Variants in CADPS observed in about 807,000 individuals in gnomAD.
The protein encoded by CADPS is calcium-dependent secretion activator 1.
A neutral mutation model predicts 167.3 loss-of-function variants in CADPS; 57 were observed. That is an observed-to-expected ratio of 0.34 (90% CI 0.28 to 0.42). The LOEUF is 0.42. Among genes scored for constraint, CADPS ranks in the 20% least tolerant of loss-of-function variants. CADPS has a pLI of 1.00. For missense variants in CADPS, 1,414 were observed against 1,738.1 expected, an observed-to-expected ratio of 0.81 and a Z score of 3.32; for synonymous variants, 676 against 635.3, an observed-to-expected ratio of 1.06 and a Z score of -0.96.
intron 7 of CADPS, among the ~76,000 whole-genome samples, chr3:62,591,225 G>T (rs946994014): frequency 6.6e-6 from 1 of 152,120 alleles, no homozygotes; most frequent in Non-Finnish European, 1.5e-5. Context: ...AATAGTTTAG[G>T]TTTCTGTCTC....
Position 62,536,427 on chromosome 3 carries a change from A to T in CADPS, c.2103+18T>A. The T allele has an allele frequency of 6.2e-7, 1 of 1,607,640 alleles. No homozygotes were observed. Among genetic ancestry groups the T allele is most frequent in the Non-Finnish European group, 8.5e-7 (1 of 1,175,548 alleles). On this transcript the variant is annotated intron_variant, in intron 12 of 29. Transcript: ENST00000383710. ...AAATGTTATGTTTAAATTGCTGTAGACCAAAGAATATACTTGCCAGGCAAG... is the reference window on the plus strand; with the variant it reads ...AAATGTTATGTTTAAATTGCTGTAGTCCAAAGAATATACTTGCCAGGCAAG...
chr3:62,714,936 A>C (rs1360600415), intron 3 of CADPS, among the ~76,000 whole-genome samples: 3 of 152,222 alleles, frequency 2.0e-5, no homozygotes, highest in Non-Finnish European at 4.4e-5. Context: ...GTTTCAAAAA[A>C]TTTCCAGATA....
chr3:62,692,772 A>G (rs1242856580), intron 3 of CADPS, among the ~76,000 whole-genome samples: 1 of 152,084 alleles, frequency 6.6e-6, no homozygotes, highest in Non-Finnish European at 1.5e-5. Context: ...TAAAGCAATG[A>G]AATAGAAACT....
intron 17 of CADPS, chr3:62,499,929 C>A (rs1252477925): frequency 5.3e-5 from 8 of 152,128 alleles, no homozygotes; most frequent in African/African-American, 1.9e-4. Flanking sequence ...TAAACTGAAA[C>A]AATGTACTTA....
At chr3:62,450,810 C>G (rs187562612) in intron 26 of CADPS, among the ~76,000 whole-genome samples, 1 of 152,220 alleles carries the variant, frequency 6.6e-6, no homozygotes, top group Admixed American at 6.5e-5. Flanking sequence ...GTGCTTGCTC[C>G]ATGATTTCTG....
intron 6 of CADPS, 44 bp downstream of exon 6, chr3:62,645,678 G>A: frequency 6.2e-7 from 1 of 1,605,604 alleles, no homozygotes; most frequent in East Asian, 2.2e-5. Context: ...GGAACTAATG[G>A]CAGCAACCCT....
chr3:62,679,304 T>C lies in CADPS; in HGVS notation c.889-16910A>G, dbSNP rs1365169812. Among the ~76,000 whole-genome samples, 4 of 152,142 alleles carry C rather than the reference T, an allele frequency of 2.6e-5. No homozygotes were observed. In the East Asian group the frequency reaches 7.8e-4, roughly 29 times the overall value. ...GGTTTCTTACAGGTTAAACGCACAC[T>C]GAGGAAGGTATTATAGGTGAACTAG... is the stretch of plus-strand genomic sequence containing the variant. On this transcript the variant is annotated intron_variant, in intron 3 of 29. Coordinates refer to ENST00000383710, the MANE Select transcript of CADPS (RefSeq NM_003716.4).
At chr3:62,803,289 T>C (rs2093887065) in intron 1 of CADPS, among the ~76,000 whole-genome samples, 1 of 151,082 alleles carries the variant, frequency 6.6e-6, no homozygotes, top group Admixed American at 6.6e-5. Flanking sequence ...CTGTAAGACA[T>C]TAAGGTAGGG....
chr3:62,620,388 T>C (rs2062990966), intron 6 of CADPS, among the ~76,000 whole-genome samples: 1 of 152,120 alleles, frequency 6.6e-6, no homozygotes, highest in African/African-American at 2.4e-5. Context: ...GACATTGAAA[T>C]TTAGAGTCTC....
rs186809012 is a variant in CADPS at position 62,505,738 on chromosome 3, G to A, written c.2600-6470C>T. On this transcript the variant is annotated intron_variant, in intron 17 of 29. Transcript: ENST00000383710. ...ATAGCAAAGCTTCAGCTCCTCTGTCGATGCTTCTACTTGAGCACTTCTGGC... is the reference window on the plus strand; with the variant it reads ...ATAGCAAAGCTTCAGCTCCTCTGTCAATGCTTCTACTTGAGCACTTCTGGC... Among the ~76,000 whole-genome samples the A allele has an allele frequency of 8.5e-5, 13 of 152,250 alleles. No individual in the cohort carries two copies. In the East Asian group the frequency reaches 9.7e-4, roughly 11 times the overall value.
chr3:62,765,021 G>C (rs1453047295), intron 2 of CADPS, among the ~76,000 whole-genome samples: 1 of 152,078 alleles, frequency 6.6e-6, no homozygotes, highest in Non-Finnish European at 1.5e-5. Context: ...TTGGGGCATA[G>C]GATTCCAAAC....
chr3:62,521,441 A>G (rs991341910), intron 13 of CADPS, among the ~76,000 whole-genome samples: 1 of 152,166 alleles, frequency 6.6e-6, no homozygotes, highest in Non-Finnish European at 1.5e-5. Flanking sequence ...TAGTAGAGCT[A>G]TATTGGTATC....
chr3:62,846,866 C>T (rs949054881), intron 1 of CADPS, among the ~76,000 whole-genome samples: 1 of 152,236 alleles, frequency 6.6e-6, no homozygotes, highest in South Asian at 2.1e-4. Flanking sequence ...CAGGGTTTCG[C>T]CATGTTGGTC....
chr3:62,637,588 T>C (rs11926263), intron 6 of CADPS, among the ~76,000 whole-genome samples: 7,559 of 152,276 alleles, frequency 0.05, 628 homozygotes, highest in African/African-American at 0.17. Context: ...CCTTTAAATA[T>C]AGGCTGGGTT....
At chr3:62,522,728 C>A (rs974271239) in intron 13 of CADPS, among the ~76,000 whole-genome samples, 7 of 152,186 alleles carry the variant, frequency 4.6e-5, no homozygotes, top group African/African-American at 1.4e-4. Context: ...GAAACACATA[C>A]ACACATGAGC....
chr3:62,677,396 C>A (rs779304218), intron 3 of CADPS, among the ~76,000 whole-genome samples: 17 of 152,228 alleles, frequency 1.1e-4, no homozygotes, highest in Admixed American at 2.6e-4. Flanking sequence ...ATTCTATGAT[C>A]TCTATAAGTT....
At chr3:62,816,392 T>A (rs1457636780) in intron 1 of CADPS, among the ~76,000 whole-genome samples, 2 of 152,090 alleles carry the variant, frequency 1.3e-5, no homozygotes, top group African/African-American at 4.8e-5. Flanking sequence ...GGTATGTTAT[T>A]ATTCTCCCCC....
At chr3:62,706,412 G>T (rs532260539) in intron 3 of CADPS, among the ~76,000 whole-genome samples, 1 of 151,988 alleles carries the variant, frequency 6.6e-6, no homozygotes, top group Admixed American at 6.5e-5. Flanking sequence ...TTTACCACTC[G>T]TGAAGGTGGA....
chr3:62,624,678 G>C (rs1416651193), intron 6 of CADPS, among the ~76,000 whole-genome samples: 1 of 152,146 alleles, frequency 6.6e-6, no homozygotes, highest in Non-Finnish European at 1.5e-5. Flanking sequence ...GTACTTTCAA[G>C]TTTCTTCTCC....
Sources: allele counts gnomAD v4.1 joint callset (sites outside exome capture counted in the v4.1 genomes callset), GRCh38; gene constraint gnomAD v4.1.1; transcripts MANE v1.5; gene names NCBI Gene and HGNC (gene_info 2026-07-23, HGNC 2026-07-21).